PRDM16: variants seen among roughly 807,000 people sequenced by gnomAD.
PRDM16 encodes the protein histone-lysine N-methyltransferase PRDM16.
A neutral mutation model predicts 110.6 loss-of-function variants in PRDM16; 23 were observed. The observed-to-expected ratio is 0.21, with a 90% confidence interval of 0.15 to 0.29. The LOEUF (loss-of-function observed/expected upper bound fraction) is 0.29. Ranked by LOEUF, PRDM16 falls within the 10% of genes least tolerant of loss-of-function variation. The probability of loss-of-function intolerance (pLI) is 1.00; values close to 1 mark genes in which losing one functional copy is unlikely to be tolerated. For synonymous variants in PRDM16, 799 were observed against 781.8 expected (o/e 1.02, Z -0.37); for missense variants, 1,615 against 1,794.3 (o/e 0.90, Z 1.81).
At chr1:3,417,450 C>T (rs1638295457) in intron 10 of PRDM16, among the ~76,000 whole-genome samples, 1 of 152,184 alleles carries the variant, frequency 6.6e-6, no homozygotes, top group Non-Finnish European at 1.5e-5. Flanking sequence ...GAAGTGCTGG[C>T]CAGGAGTCAA....
Position 3,080,257 on chromosome 1 carries a change from G to C in PRDM16, c.37+10961G>C, listed in dbSNP as rs960468059. Among the ~76,000 whole-genome samples, 1 of 152,162 alleles carries C rather than the reference G, an allele frequency of 6.6e-6. No homozygotes were observed. Among genetic ancestry groups the C allele is most frequent in the Non-Finnish European group, 1.5e-5 (1 of 68,042 alleles). The stretch of plus-strand genomic sequence containing the variant: ...TGTCTGTGTGTGAAAATATTAAATT[G>C]CAATAACACGCCGTGCGAGTGCCTC... On this transcript the variant is annotated intron_variant, in intron 1 of 16. Transcript: ENST00000270722. The surrounding 1 kb of genome is among the most constrained non-coding windows in gnomAD (Gnocchi z 5.2).
chr1:3,096,953 C>T (rs949339385), intron 1 of PRDM16, among the ~76,000 whole-genome samples: 5 of 152,212 alleles, frequency 3.3e-5, no homozygotes, highest in African/African-American at 1.2e-4. Flanking sequence ...CGAGGCTGCT[C>T]TCTGTGCCCC....
chr1:3,351,560 CTCA>C, intron 3 of PRDM16, among the ~76,000 whole-genome samples: 1 of 64,818 alleles, frequency 1.5e-5, no homozygotes, highest in African/African-American at 6.3e-5. Flanking sequence ...CCCTCCCTCT[CTCA>C]TCCCCTTCCT....
chr1:3,101,503 G>A (rs6699913), intron 1 of PRDM16, among the ~76,000 whole-genome samples: 1,689 of 152,328 alleles, frequency 0.011, 30 homozygotes, highest in African/African-American at 0.033. Flanking sequence ...CTGGGGGAGC[G>A]GCGGCCATCG....
At chr1:3,430,591 C>T (rs1043916642) in intron 14 of PRDM16, among the ~76,000 whole-genome samples, 2 of 152,248 alleles carry the variant, frequency 1.3e-5, no homozygotes, top group Admixed American at 1.3e-4. Flanking sequence ...CCGCCCCGGC[C>T]CTGGTGTCCT....
intron 1 of PRDM16, among the ~76,000 whole-genome samples, chr1:3,098,532 C>T (rs145388423): frequency 0.011 from 1,739 of 152,308 alleles, 21 homozygotes; most frequent in South Asian, 0.051. Context: ...GAGGTTCCCC[C>T]ATGGGTGAAG....
Position 3,181,487 on chromosome 1 carries a change from CAGCCTTACGCAT to C in PRDM16, c.38-4637_38-4626del, listed in dbSNP as rs1352853761. On this transcript the variant is annotated intron_variant, in intron 1 of 16. Coordinates refer to ENST00000270722, the MANE Select transcript of PRDM16 (RefSeq NM_022114.4). Reference sequence around the variant, plus strand: ...GGTCTTACACACGCAGTCTTACACACAGCCTTACGCATGGTCTTACACACGCAGTCTTACACA... The same window carrying C: ...GGTCTTACACACGCAGTCTTACACACGGTCTTACACACGCAGTCTTACACA... Among the ~76,000 whole-genome samples, 100 of 18,582 alleles carry C rather than the reference CAGCCTTACGCAT, an allele frequency of 5.4e-3. 22 individuals are homozygous for C. Among genetic ancestry groups the C allele is most frequent in the African/African-American group, 6.1e-3 (69 of 11,310 alleles). The allele number at this position is 18,582 out of a possible 152,430, so 12.2% of individuals were successfully genotyped here.
At position 3,435,803 on chromosome 1, in the gene PRDM16, G is replaced by C. The variant is rs1306550593; in HGVS notation, c.*1992G>C. The C allele has an allele frequency of 4.3e-6, 1 of 232,198 alleles. No homozygotes were observed. Among genetic ancestry groups the C allele is most frequent in the African/African-American group, 2.2e-5 (1 of 45,250 alleles). The allele number at this position is 232,198 out of a possible 1,614,324, so 14.4% of individuals were successfully genotyped here. The stretch of plus-strand genomic sequence containing the variant: ...CCGGGTGGTCCAGGCTTGCACTGAA[G>C]ACGTGCCACGGGGAGGCTCCTGCAG... On this transcript the variant is annotated 3_prime_UTR_variant, in exon 17 of 17. Transcript: ENST00000270722.
At chr1:3,095,323 A>ACAAGGCCGGGC (rs1557442056) in intron 1 of PRDM16, among the ~76,000 whole-genome samples, 1 of 151,236 alleles carries the variant, frequency 6.6e-6, no homozygotes, top group Admixed American at 6.6e-5. Flanking sequence ...AAAGTGGAGT[A>ACAAGGCCGGGC]GCAAACAACT....
chr1:3,096,759 C>A (rs548054152), intron 1 of PRDM16, among the ~76,000 whole-genome samples: 5 of 152,296 alleles, frequency 3.3e-5, no homozygotes, highest in African/African-American at 9.6e-5. Context: ...CTACGAGAGC[C>A]GAGCAGGGTG....
At chr1:3,140,691 G>A (rs915472288) in intron 1 of PRDM16, among the ~76,000 whole-genome samples, 1 of 151,994 alleles carries the variant, frequency 6.6e-6, no homozygotes, top group East Asian at 1.9e-4. Context: ...GAAGGCGTAT[G>A]GGGGGTGCAT....
chr1:3,072,997 G>A (rs909324519), intron 1 of PRDM16, among the ~76,000 whole-genome samples: 4 of 152,226 alleles, frequency 2.6e-5, no homozygotes, highest in African/African-American at 7.2e-5. Context: ...GACAGGCACC[G>A]GCCATGCCTG....
chr1:3,396,234 C>G (rs1643384265), intron 4 of PRDM16: 1 of 539,960 alleles, frequency 1.9e-6, no homozygotes, highest in Non-Finnish European at 3.5e-6. Context: ...TGGGAACTTT[C>G]ATGTGGATCC....
chr1:3,355,312 G>A (rs541909508), intron 3 of PRDM16, among the ~76,000 whole-genome samples: 1 of 152,282 alleles, frequency 6.6e-6, no homozygotes, highest in Non-Finnish European at 1.5e-5. Context: ...AATGCAGGGA[G>A]ATGGCCACAC....
intron 1 of PRDM16, among the ~76,000 whole-genome samples, chr1:3,123,485 G>C (rs1324686194): frequency 6.6e-6 from 1 of 152,218 alleles, no homozygotes; most frequent in Non-Finnish European, 1.5e-5. Context: ...TGGAGGAGGG[G>C]GCAGCCATTC....
At chr1:3,305,961 C>G (rs1022802654) in intron 3 of PRDM16, among the ~76,000 whole-genome samples, 7 of 152,268 alleles carry the variant, frequency 4.6e-5, no homozygotes, top group Middle Eastern at 3.2e-3. Context: ...CTGCATCCTC[C>G]TCAAGGTCAC....
At chr1:3,414,019 C>A (rs778012021) in intron 9 of PRDM16, among the ~76,000 whole-genome samples, 6 of 152,200 alleles carry the variant, frequency 3.9e-5, no homozygotes, top group African/African-American at 1.4e-4. Context: ...TTCATCAGCA[C>A]ACACGGGCAG....
rs1291055612 is a variant in PRDM16, at chr1:3,244,640, C to G, written c.438+503C>G. On this transcript the variant is annotated intron_variant, in intron 3 of 16. Transcript: ENST00000270722. The surrounding 1 kb of genome is among the most constrained non-coding windows in gnomAD (Gnocchi z 4.1). ...AGGGTCCACGTGGCATTATCCACGG[C>G]TTTGCTGACTGGTGGTGGATAACGG... 6.6e-6 allele frequency among the ~76,000 whole-genome samples: 1 copy of G among 152,164 alleles called. No homozygotes were observed. The highest frequency in any genetic ancestry group is 2.4e-5 in the African/African-American group (1 of 41,448).
chr1:3,150,333 G>A (rs1413113272), intron 1 of PRDM16, among the ~76,000 whole-genome samples: 1 of 151,150 alleles, frequency 6.6e-6, no homozygotes, highest in Non-Finnish European at 1.5e-5. Flanking sequence ...AGTTGGGCAG[G>A]TGACTTGTGG....
Sources: gnomAD v4.1 joint callset for allele counts (sites outside exome capture counted in the v4.1 genomes callset) on GRCh38, gnomAD v4.1.1 for gene constraint, Gnocchi (gnomAD v3.1) non-coding constraint, MANE v1.5 for transcripts, NCBI Gene and HGNC (gene_info 2026-07-23, HGNC 2026-07-21) for gene names.